Variants in ITGA8 observed in about 807,000 individuals in gnomAD.
ITGA8 encodes integrin alpha-8.
Under a neutral mutation model 142.3 loss-of-function variants are expected in ITGA8, and 91 were observed. That is an observed-to-expected ratio of 0.64 (90% CI 0.54 to 0.76). The LOEUF is 0.76. ITGA8 is among the 30% of genes least tolerant of loss of function. The probability of loss-of-function intolerance (pLI) is 0.00; values close to 1 mark genes in which losing one functional copy is unlikely to be tolerated. For synonymous variants in ITGA8, 505 were observed against 485.2 expected (o/e 1.04, Z -0.54); for missense variants, 1,406 against 1,327.7 (o/e 1.06, Z -0.92).
At chr10:15,606,463 A>T (rs1413134445) in intron 17 of ITGA8, 41 bp from the exon 18 acceptor site, 1 of 1,563,384 alleles carries the variant, frequency 6.4e-7, no homozygotes, top group Admixed American at 1.7e-5. Context: ...GCTCCATGAA[A>T]TAGCTGCAAG....
chr10:15,681,602 C>A (rs1834738903), intron 4 of ITGA8, among the ~76,000 whole-genome samples: 1 of 152,194 alleles, frequency 6.6e-6, no homozygotes, highest in Admixed American at 6.5e-5. Context: ...TTGATCTGAG[C>A]CCTCACATCC....
intron 24 of ITGA8, among the ~76,000 whole-genome samples, chr10:15,573,818 C>T (rs1275747095): frequency 6.6e-6 from 1 of 151,920 alleles, no homozygotes; most frequent in Non-Finnish European, 1.5e-5. Context: ...AATTCCCTGC[C>T]TGGTCCCTTG....
At chr10:15,559,234 C>T (rs138874897) in intron 25 of ITGA8, among the ~76,000 whole-genome samples, 1 of 152,322 alleles carries the variant, frequency 6.6e-6, no homozygotes, top group African/African-American at 2.4e-5. Flanking sequence ...GTTTCTCCAG[C>T]CTCTTCTCTG....
chr10:15,532,688 C>T (rs1414756651), intron 27 of ITGA8, among the ~76,000 whole-genome samples: 1 of 151,832 alleles, frequency 6.6e-6, no homozygotes, highest in Non-Finnish European at 1.5e-5. Flanking sequence ...GTTCGATCTA[C>T]CCAGTGCTGG....
intron 4 of ITGA8, among the ~76,000 whole-genome samples, chr10:15,681,679 G>T (rs550364774): frequency 2.0e-5 from 3 of 152,214 alleles, no homozygotes; most frequent in African/African-American, 7.2e-5. Context: ...ATCCTTCAAG[G>T]CAGTTGGAAG....
intron 11 of ITGA8, among the ~76,000 whole-genome samples, chr10:15,647,449 GTTTTTT>G (rs71505078): frequency 2.2e-5 from 2 of 91,510 alleles, no homozygotes; most frequent in Non-Finnish European, 4.1e-5. Context: ...AAATTATTCA[GTTTTTT>G]TTTTTTTTTT....
chr10:15,664,164 T>A (rs1260868965), intron 8 of ITGA8, among the ~76,000 whole-genome samples: 3 of 152,010 alleles, frequency 2.0e-5, no homozygotes, highest in Non-Finnish European at 4.4e-5. Flanking sequence ...AATGAAAAAA[T>A]TTGGAGGCAC....
intron 2 of ITGA8, among the ~76,000 whole-genome samples, chr10:15,703,879 A>G (rs551164552): frequency 3.4e-4 from 51 of 152,118 alleles, no homozygotes; most frequent in Non-Finnish European, 5.4e-4. Flanking sequence ...ATTCAAGCAC[A>G]TGAGTCCTTA....
chr10:15,527,879 C>T (rs1230774028), intron 28 of ITGA8, among the ~76,000 whole-genome samples: 4 of 148,902 alleles, frequency 2.7e-5, no homozygotes, highest in Non-Finnish European at 4.4e-5. Context: ...GATTCTACCA[C>T]CTTAAAGCAA....
chr10:15,529,253 AG>A (rs1318976823), intron 28 of ITGA8, among the ~76,000 whole-genome samples: 2 of 152,206 alleles, frequency 1.3e-5, no homozygotes, highest in African/African-American at 4.8e-5. Flanking sequence ...ACTTAGCCAG[AG>A]AAGGGGAGAC....
chr10:15,671,051 A>G (rs1244040516), intron 8 of ITGA8, among the ~76,000 whole-genome samples: 1 of 152,218 alleles, frequency 6.6e-6, no homozygotes, highest in Non-Finnish European at 1.5e-5. Context: ...TTAATTAGGT[A>G]TTCTGTGTTC....
intron 4 of ITGA8, among the ~76,000 whole-genome samples, chr10:15,683,639 C>T (rs1834782463): frequency 6.6e-6 from 1 of 152,344 alleles, no homozygotes; most frequent in South Asian, 2.1e-4. Flanking sequence ...CAGGTCCAAC[C>T]ATGCTAGCTA....
At chr10:15,630,257 CAAGTTA>C (rs1215656284) in intron 13 of ITGA8, among the ~76,000 whole-genome samples, 4 of 152,024 alleles carry the variant, frequency 2.6e-5, no homozygotes, top group Non-Finnish European at 4.4e-5. Context: ...AACACAGTGG[CAAGTTA>C]AAGATATGAG....
intron 4 of ITGA8, among the ~76,000 whole-genome samples, chr10:15,681,702 T>C (rs1332586321): frequency 6.6e-6 from 1 of 152,140 alleles, no homozygotes; most frequent in Non-Finnish European, 1.5e-5. Context: ...TAACCTACAT[T>C]ATCAAGGCAA....
At chr10:15,709,651 A>T (rs2131736326) in intron 2 of ITGA8, among the ~76,000 whole-genome samples, 1 of 152,258 alleles carries the variant, frequency 6.6e-6, no homozygotes. Flanking sequence ...TCTTATAACA[A>T]GTTTTGTGAA....
chr10:15,675,138 T>G (rs1375075253), intron 6 of ITGA8, among the ~76,000 whole-genome samples: 1 of 152,166 alleles, frequency 6.6e-6, no homozygotes, highest in Non-Finnish European at 1.5e-5. Context: ...ATGGACTGAG[T>G]TATCACCAGT....
intron 5 of ITGA8, 143 bp from the exon 6 acceptor site, chr10:15,677,780 G>T: frequency 1.7e-6 from 1 of 604,774 alleles, no homozygotes; most frequent in Non-Finnish European, 2.8e-6. Context: ...ATCCTTCGGA[G>T]GCCTGCAGTT....
At position 15,530,344 on chromosome 10, in the gene ITGA8, G is replaced by A. The variant is rs1052868467; in HGVS notation, c.2982+706C>T. Among the ~76,000 whole-genome samples the A allele has an allele frequency of 6.6e-5, 10 of 151,916 alleles. No homozygotes were observed. In the East Asian group the frequency reaches 1.2e-3, roughly 18 times the overall value. On this transcript the variant is annotated intron_variant, in intron 28 of 29. Coordinates refer to ENST00000378076, the MANE Select transcript of ITGA8 (RefSeq NM_003638.3). Reference sequence around the variant, plus strand: ...GGGCGGATCACAAGTTCAGGAGTTCGAGATCAGCCTGGCCAACATGGTGAA... The same window carrying A: ...GGGCGGATCACAAGTTCAGGAGTTCAAGATCAGCCTGGCCAACATGGTGAA...
intron 11 of ITGA8, among the ~76,000 whole-genome samples, chr10:15,650,287 CAG>C (rs1425913522): frequency 2.6e-5 from 4 of 152,188 alleles, no homozygotes; most frequent in African/African-American, 9.7e-5. Context: ...GGCAACCTAA[CAG>C]TGTGCATAAG....
Sources: gnomAD v4.1 joint callset for allele counts (sites outside exome capture counted in the v4.1 genomes callset) on GRCh38, gnomAD v4.1.1 for gene constraint, MANE v1.5 for transcripts, NCBI Gene and HGNC (gene_info 2026-07-23, HGNC 2026-07-21) for gene names.